The following RPS6KA1 variants were observed in gnomAD, a reference collection of about 807,000 sequenced individuals.
The protein encoded by RPS6KA1 is ribosomal protein S6 kinase alpha-1.
RPS6KA1 carries 48 observed loss-of-function variants against 91.3 expected under a neutral mutation model. The observed-to-expected ratio is 0.53, with a 90% CI of 0.42 to 0.67. The LOEUF is 0.67. Among genes scored for constraint, RPS6KA1 ranks in the 30% least tolerant of loss-of-function variants. RPS6KA1 has a pLI of 0.00. For missense variants in RPS6KA1, 719 were observed against 960.5 expected (o/e 0.75, Z 3.32); for synonymous variants, 359 against 384.7 (o/e 0.93, Z 0.78).
intron 2 of RPS6KA1, among the ~76,000 whole-genome samples, chr1:26,545,674 G>A (rs996605040): frequency 4.6e-5 from 7 of 152,312 alleles, no homozygotes; most frequent in African/African-American, 9.6e-5. Context: ...ATGGGGGAAC[G>A]GCCAGAGGGC....
rs1291433970 is a variant in RPS6KA1, at chr1:26,561,117, A to G, written c.1414A>G (p.Ile472Val). The change falls in exon 16 of 22, where the codon ATC (isoleucine) becomes GTC (valine). Residue 472 changes from isoleucine (I) to valine (V), a missense_variant. Coordinates refer to ENST00000374168, the MANE Select transcript of RPS6KA1 (RefSeq NM_002953.4). This position sits in a 1 kb window ranked among gnomAD's most constrained non-coding sequence, Gnocchi z 5.7. Reference sequence around the variant, plus strand: ...TCTGCGGTATGGCCAGCACCCCAACATCATCACTCTGAAAGATGTGAGTGG... The same window carrying G: ...TCTGCGGTATGGCCAGCACCCCAACGTCATCACTCTGAAAGATGTGAGTGG... ...ILLRYGQHPN[I>V]ITLKDVYDDG... The G allele has an allele frequency of 2.5e-6, 4 of 1,613,764 alleles. No individual in the cohort carries two copies. In the South Asian group the frequency reaches 3.3e-5, roughly 13 times the overall value.
intron 6 of RPS6KA1, among the ~76,000 whole-genome samples, chr1:26,552,590 A>G (rs1433953926): frequency 2.0e-5 from 3 of 149,150 alleles, no homozygotes; most frequent in Non-Finnish European, 4.4e-5. Flanking sequence ...GGGTTCAAGC[A>G]ATTCTCCTGC....
chr1:26,546,640 G>A (rs12120574), intron 2 of RPS6KA1, among the ~76,000 whole-genome samples: 3,725 of 152,340 alleles, frequency 0.024, 87 homozygotes, highest in Non-Finnish European at 0.034. Flanking sequence ...GGCCTAACCA[G>A]GCCAGAGCAT....
intron 1 of RPS6KA1, among the ~76,000 whole-genome samples, chr1:26,534,417 G>A (rs954256255): frequency 5.3e-5 from 8 of 152,170 alleles, no homozygotes; most frequent in Non-Finnish European, 1.0e-4. Flanking sequence ...ACATGAGGCT[G>A]TGTGGACAGG....
In RPS6KA1 at chr1:26,554,553, G is replaced by A; in HGVS notation, c.614-43G>A. ...GTGTGCAAAGGGTGGCAGCAAGGAA[G>A]GCAGGGGTCCTAAGGTGTGTCCTCC... On this transcript the variant is annotated intron_variant, in intron 8 of 21. Transcript: ENST00000374168. The surrounding 1 kb of genome is among the most constrained non-coding windows in gnomAD (Gnocchi z 4.6). 6.4e-7 allele frequency: 1 copy of A among 1,573,868 alleles called. No homozygotes were observed. Among genetic ancestry groups the A allele is most frequent in the Non-Finnish European group, 8.7e-7 (1 of 1,153,692 alleles).
At chr1:26,563,637 C>G (rs548903977) in intron 17 of RPS6KA1, among the ~76,000 whole-genome samples, 12 of 152,264 alleles carry the variant, frequency 7.9e-5, no homozygotes, top group Non-Finnish European at 1.2e-4. Flanking sequence ...CACAATTAGA[C>G]CTCCCTTTTT....
In RPS6KA1 at chr1:26,553,384, T is replaced by G. The variant is rs1347505747; in HGVS notation, c.469-7T>G. The G allele has an allele frequency of 6.2e-7, 1 of 1,602,496 alleles. No individual in the cohort carries two copies. The highest frequency in any genetic ancestry group is 1.1e-5 in the South Asian group (1 of 90,784). ...TCCCTGCTGAAGGCCCCTCCTGTCT[T>G]TTGCAGGTGATGTTCACGGAGGAGG... On this transcript the variant is annotated splice_region_variant and splice_polypyrimidine_tract_variant and intron_variant, in intron 6 of 21. Transcript: ENST00000374168.
At position 26,546,864 on chromosome 1, in the gene RPS6KA1, C is replaced by T. The variant is rs2075999073; in HGVS notation, c.109-3C>T. 6.2e-7 allele frequency: 1 copy of T among 1,612,890 alleles called. No individual in the cohort carries two copies. Among genetic ancestry groups the T allele is most frequent in the Non-Finnish European group, 8.5e-7 (1 of 1,179,102 alleles). ...ATGCCCACCAGCTCTGTCCCTCCAT[C>T]AGGATGAGGGCGTCCTCAAGGAGAT... On this transcript the variant is annotated splice_region_variant and splice_polypyrimidine_tract_variant and intron_variant, in intron 2 of 21. Coordinates refer to ENST00000374168, the MANE Select transcript of RPS6KA1 (RefSeq NM_002953.4).
intron 1 of RPS6KA1, 25 bp downstream of exon 1, chr1:26,530,008 G>C: frequency 7.6e-7 from 1 of 1,322,940 alleles, no homozygotes; most frequent in East Asian, 3.3e-5. Context: ...CGGGGGACGG[G>C]CGCCCGCGGC....
rs2076051541 is a variant in RPS6KA1 at position 26,551,686 on chromosome 1, T to C, written c.431T>C (p.Leu144Pro). 1.2e-6 allele frequency: 2 copies of C among 1,614,080 alleles called. No individual in the cohort carries two copies. Among genetic ancestry groups the C allele is most frequent in the Non-Finnish European group, 1.7e-6 (2 of 1,180,028 alleles). Reference sequence around the variant, plus strand: ...AAGCTCTATCTCATTCTGGACTTCCTGCGTGGTGGGGACCTCTTCACCCGG... The same window carrying C: ...AAGCTCTATCTCATTCTGGACTTCCCGCGTGGTGGGGACCTCTTCACCCGG... ...EGKLYLILDF[L>P]RGGDLFTRLS... Residue 144 changes from leucine to proline, a missense_variant, in exon 6 of 22, where the codon CTG becomes CCG. By Grantham distance (98) the Leu-to-Pro change is moderately conservative. Transcript: ENST00000374168. The surrounding 1 kb of genome is among the most constrained non-coding windows in gnomAD (Gnocchi z 4.5).
rs750087404 is a variant in RPS6KA1 at position 26,547,146 on chromosome 1, A to T, written c.226-43A>T. ...AAGATAGAGGTCAGCCTGGACTCAG[A>T]CCTCTCCCATCTTCTGCCCTGCTTC... On this transcript the variant is annotated intron_variant, in intron 3 of 21. Transcript: ENST00000374168. This position sits in a 1 kb window ranked among gnomAD's most constrained non-coding sequence, Gnocchi z 4.1. 1.9e-6 allele frequency: 3 copies of T among 1,601,914 alleles called. No homozygotes were observed. Among genetic ancestry groups the T allele is most frequent in the Non-Finnish European group, 2.6e-6 (3 of 1,169,438 alleles).
At chr1:26,531,811 C>A (rs968483573) in intron 1 of RPS6KA1, among the ~76,000 whole-genome samples, 1 of 152,120 alleles carries the variant, frequency 6.6e-6, no homozygotes, top group Non-Finnish European at 1.5e-5. Flanking sequence ...GGGTGCAGAG[C>A]GCTGGGTACT....
At chr1:26,539,078 G>A (rs576561129) in intron 2 of RPS6KA1, among the ~76,000 whole-genome samples, 1 of 152,338 alleles carries the variant, frequency 6.6e-6, no homozygotes, top group South Asian at 2.1e-4. Flanking sequence ...TGTGGTAGGC[G>A]CTATGATGGG....
chr1:26,543,242 C>A, intron 2 of RPS6KA1: 1 of 1,498,078 alleles, frequency 6.7e-7, no homozygotes, highest in Non-Finnish European at 9.0e-7. Context: ...GAGTCGCCTG[C>A]CTCCAGCGGT....
chr1:26,537,089 G>A, intron 2 of RPS6KA1, 120 bp downstream of exon 2: 1 of 1,028,132 alleles, frequency 9.7e-7, no homozygotes. Flanking sequence ...GTCCTTCTCA[G>A]GGCCCACCGA....
rs142732323 is a variant in RPS6KA1, at chr1:26,533,517, C to T, written c.64-3408C>T. ...GGTCAGGAGTTTGAGACCAGCTGGG[C>T]CAACATGGCGAAACCCCGCCTCTAC... On this transcript the variant is annotated intron_variant, in intron 1 of 21. Transcript: ENST00000374168. 2.7e-3 allele frequency among the ~76,000 whole-genome samples: 403 copies of T among 152,014 alleles called. 1 individual carries two copies. Among genetic ancestry groups the T allele is most frequent in the African/African-American group, 9.1e-3 (379 of 41,550 alleles).
chr1:26,539,943 C>A (rs1362789022), intron 2 of RPS6KA1, among the ~76,000 whole-genome samples: 1 of 152,180 alleles, frequency 6.6e-6, no homozygotes, highest in Non-Finnish European at 1.5e-5. Flanking sequence ...GTTTATGAAA[C>A]CCTGATCCCT....
Position 26,556,560 on chromosome 1 carries a change from C to G in RPS6KA1, c.917-94C>G. The G allele has an allele frequency of 2.0e-5, 27 of 1,334,780 alleles. 1 individual carries two copies. The highest frequency in any genetic ancestry group is 2.9e-5 in the Non-Finnish European group (27 of 927,678). 82.7% of individuals were successfully genotyped at this position (1,334,780 alleles called of 1,614,324 possible). On this transcript the variant is annotated intron_variant, in intron 11 of 21. Transcript: ENST00000374168. ...CCCATTTTCCCCTCTGCTCCAGCAG[C>G]TGGTCCCAGAGCCCTGTGAGGCTGC...
Position 26,573,381 on chromosome 1 carries a change from G to A in RPS6KA1, c.2085+20G>A. On this transcript the variant is annotated intron_variant, in intron 21 of 21. Coordinates refer to ENST00000374168, the MANE Select transcript of RPS6KA1 (RefSeq NM_002953.4). ...GTGAAGGTATGGCCACCCTTGGGCT[G>A]CTGGGCATCTGGGGGGTCAGCCCAA... 1 of 1,613,762 alleles carries A rather than the reference G, an allele frequency of 6.2e-7. No individual in the cohort carries two copies. Among genetic ancestry groups the A allele is most frequent in the Non-Finnish European group, 8.5e-7 (1 of 1,179,860 alleles).
Sources: allele counts gnomAD v4.1 joint callset (sites outside exome capture counted in the v4.1 genomes callset), GRCh38; gene constraint gnomAD v4.1.1; non-coding constraint Gnocchi (gnomAD v3.1); transcripts MANE v1.5; gene names NCBI Gene and HGNC (gene_info 2026-07-23, HGNC 2026-07-21).